The following SOX5 variants were observed in gnomAD, a reference collection of about 807,000 sequenced individuals.
SOX5 encodes the protein transcription factor SOX-5.
A neutral mutation model predicts 92.0 loss-of-function variants in SOX5; 9 were observed. The observed-to-expected ratio is 0.10, with a 90% confidence interval of 0.06 to 0.17. The LOEUF (loss-of-function observed/expected upper bound fraction) is 0.17, where lower values mean the gene tolerates loss of function less well. SOX5 is among the 10% of genes least tolerant of loss of function. SOX5 has a pLI of 1.00. For missense variants in SOX5, 642 were observed against 944.5 expected (o/e 0.68, Z 4.20); for synonymous variants, 344 against 336.3 (o/e 1.02, Z -0.25).
chr12:23,952,391 G>A (rs1013882513), upstream of SOX5, among the ~76,000 whole-genome samples: 1 of 152,192 alleles, frequency 6.6e-6, no homozygotes, highest in Admixed American at 6.5e-5. Context: ...ACCAGAGCAG[G>A]TAAGAAAGAG....
intron 4 of SOX5, among the ~76,000 whole-genome samples, chr12:24,034,440 C>T (rs992996650): frequency 1.5e-4 from 22 of 151,096 alleles, no homozygotes; most frequent in Admixed American, 1.3e-4. Flanking sequence ...TTCCGACTGC[C>T]GTGCAGCTTT....
At chr12:24,025,005 A>ATTTACTAAAATCCTATCT (rs1286742944) in intron 4 of SOX5, among the ~76,000 whole-genome samples, 2 of 152,072 alleles carry the variant, frequency 1.3e-5, no homozygotes, top group Non-Finnish European at 2.9e-5. Context: ...ATAATTAAAC[A>ATTTACTAAAATCCTATCT]TTTACTAAAA....
chr12:23,702,746 C>G (rs2090834850), intron 6 of SOX5, among the ~76,000 whole-genome samples: 1 of 151,038 alleles, frequency 6.6e-6, no homozygotes, highest in Non-Finnish European at 1.5e-5. Flanking sequence ...AAAAGAGAAA[C>G]AGAGAGTGTG....
In SOX5 at chr12:23,979,942, T is replaced by TAGACAGACAGACAGACAGACAGAC. The variant is rs1419855577; in HGVS notation, c.-1-83919_-1-83918insGTCTGTCTGTCTGTCTGTCTGTCT. Among the ~76,000 whole-genome samples, 213 of 89,426 alleles carry TAGACAGACAGACAGACAGACAGAC rather than the reference T, an allele frequency of 2.4e-3. 1 individual carries two copies. The East Asian group carries it at 0.031, about 13-fold the overall frequency. 58.7% of individuals were successfully genotyped at this position (89,426 alleles called of 152,430 possible). A position where few individuals can be genotyped will look rare whatever the true frequency, so the allele number is the denominator to read the frequency against. On this transcript the variant is annotated intron_variant, in intron 4 of 4. Coordinates refer to the SOX5 transcript ENST00000446891. ...ACAGACAGACAGACAGACAGATAGA[T>TAGACAGACAGACAGACAGACAGAC]AGATAGATAGACAGACAGACAGATA... is the stretch of plus-strand genomic sequence containing the variant.
chr12:24,404,109 T>G (rs1345573464), intron 1 of SOX5, among the ~76,000 whole-genome samples: 2 of 152,224 alleles, frequency 1.3e-5, no homozygotes. Context: ...TTTTATCCTT[T>G]TTTAGCTAAG....
rs141270586 is a variant in SOX5 at position 24,276,706 on chromosome 12, G to A, written c.-77+510C>T. On this transcript the variant is annotated intron_variant, in intron 3 of 4. Coordinates refer to the SOX5 transcript ENST00000446891. ...ATGCACACACAGATAGATGCCCATGGAATGTTTCTGTCAGTAAATTAGAAA... is the reference window on the plus strand; with the variant it reads ...ATGCACACACAGATAGATGCCCATGAAATGTTTCTGTCAGTAAATTAGAAA... Among the ~76,000 whole-genome samples, 438 of 152,224 alleles carry A rather than the reference G, an allele frequency of 2.9e-3. 1 individual carries two copies. The highest frequency in any genetic ancestry group is 5.0e-3 in the Non-Finnish European group (340 of 67,998).
intron 1 of SOX5, among the ~76,000 whole-genome samples, chr12:24,420,795 G>A (rs1363997150): frequency 3.3e-5 from 5 of 152,094 alleles, no homozygotes; most frequent in African/African-American, 1.2e-4. Context: ...TAAAAAAAGA[G>A]TGATAAATGC....
intron 1 of SOX5, among the ~76,000 whole-genome samples, chr12:24,368,915 T>C (rs79344799): frequency 4.4e-4 from 67 of 152,324 alleles, no homozygotes; most frequent in Non-Finnish European, 8.2e-4. Flanking sequence ...AGCAACCCAG[T>C]GAAGTGTTTG....
Position 24,228,926 on chromosome 12 carries a change from C to T in SOX5, c.-76-15509G>A, listed in dbSNP as rs75729947. ...CAATTAGTGGTTCACTTAAGAACTG[C>T]TATAAATTAATGGTTAATCGAGCCC... On this transcript the variant is annotated intron_variant, in intron 3 of 4. Transcript: ENST00000446891. Among the ~76,000 whole-genome samples the T allele has an allele frequency of 4.6e-3, 697 of 152,274 alleles. 37 individuals are homozygous for T. The East Asian group carries it at 0.11, about 25-fold the overall frequency.
intron 1 of SOX5, among the ~76,000 whole-genome samples, chr12:24,539,286 GC>G (rs1951909347): frequency 6.6e-6 from 1 of 152,044 alleles, no homozygotes; most frequent in East Asian, 1.9e-4. Flanking sequence ...GTAGTATGAA[GC>G]CAGAAAACAA....
At chr12:24,531,133 C>CAAAAA (rs1428097008) in intron 1 of SOX5, among the ~76,000 whole-genome samples, 1 of 151,726 alleles carries the variant, frequency 6.6e-6, no homozygotes, top group Non-Finnish European at 1.5e-5. Context: ...CTTGAAGAGC[C>CAAAAA]AAAAAATAAA....
intron 4 of SOX5, among the ~76,000 whole-genome samples, chr12:24,044,469 A>C (rs993642503): frequency 2.0e-5 from 3 of 152,178 alleles, no homozygotes; most frequent in Admixed American, 2.0e-4. Flanking sequence ...TTCTCACGAT[A>C]AGGCAGGATC....
intron 4 of SOX5, among the ~76,000 whole-genome samples, chr12:24,083,633 T>C (rs1021669): frequency 0.3 from 46,246 of 151,902 alleles, 7,662 homozygotes; most frequent in East Asian, 0.66. Context: ...CTTACCACAG[T>C]TATTGAGTAG....
At chr12:24,450,470 T>TTTA (rs1555300495) in intron 1 of SOX5, among the ~76,000 whole-genome samples, 16 of 145,870 alleles carry the variant, frequency 1.1e-4, no homozygotes, top group East Asian at 3.9e-4. Context: ...TGTGTATTTA[T>TTTA]TTTATTTATT....
chr12:23,811,155 A>G (rs549214491), intron 3 of SOX5, among the ~76,000 whole-genome samples: 52 of 152,304 alleles, frequency 3.4e-4, no homozygotes, highest in South Asian at 6.2e-4. Context: ...GTCTGAAAGC[A>G]GAAGTGTTCA....
intron 4 of SOX5, among the ~76,000 whole-genome samples, chr12:24,122,560 A>G (rs1376290435): frequency 6.6e-6 from 1 of 152,210 alleles, no homozygotes; most frequent in Admixed American, 6.5e-5. Flanking sequence ...TTTTGTCAAG[A>G]AGACAGAAGT....
At chr12:24,375,046 C>T (rs1039474445) in intron 1 of SOX5, among the ~76,000 whole-genome samples, 5 of 152,088 alleles carry the variant, frequency 3.3e-5, no homozygotes, top group African/African-American at 7.2e-5. Context: ...AATCTCGGCT[C>T]ACTGCAAGCT....
At chr12:24,179,003 T>C (rs1057029403) in intron 4 of SOX5, among the ~76,000 whole-genome samples, 1 of 152,194 alleles carries the variant, frequency 6.6e-6, no homozygotes, top group Non-Finnish European at 1.5e-5. Flanking sequence ...GTAAAATATA[T>C]GGGATTTACC....
chr12:23,634,580 G>T (rs2078976249), intron 8 of SOX5, among the ~76,000 whole-genome samples: 1 of 152,184 alleles, frequency 6.6e-6, no homozygotes, highest in African/African-American at 2.4e-5. Flanking sequence ...CTGAGTAGGT[G>T]ATGTGGAGCA....
Sources: allele counts gnomAD v4.1 joint callset (sites outside exome capture counted in the v4.1 genomes callset), GRCh38; gene constraint gnomAD v4.1.1; transcripts MANE v1.5; gene names NCBI Gene and HGNC (gene_info 2026-07-23, HGNC 2026-07-21).